The following APOA4 variants were observed in gnomAD, a reference collection of about 807,000 sequenced individuals.
APOA4 encodes the protein apolipoprotein A-IV.
In APOA4, 25 loss-of-function variants were observed where a neutral mutation model predicts 33.6. That is an observed-to-expected ratio of 0.74 (90% CI 0.54 to 1.04). The LOEUF (loss-of-function observed/expected upper bound fraction) is 1.04, where lower values mean the gene tolerates loss of function less well. Among genes scored for constraint, APOA4 ranks in the 50% least tolerant of loss-of-function variants. The probability of loss-of-function intolerance (pLI) is 0.00; values close to 1 mark genes in which losing one functional copy is unlikely to be tolerated. For missense variants in APOA4, 549 were observed against 510.4 expected, an observed-to-expected ratio of 1.08 and a Z score of -0.73; for synonymous variants, 228 against 224.0, an observed-to-expected ratio of 1.02 and a Z score of -0.16.
rs778993673 is a variant in APOA4, at chr11:116,821,413, G to C, written c.645C>G (p.Thr215=). 11 of 1,614,024 alleles carry C rather than the reference G, an allele frequency of 6.8e-6. No individual in the cohort carries two copies. Among genetic ancestry groups the C allele is most frequent in the African/African-American group, 1.3e-5 (1 of 74,938 alleles). The change falls in exon 3 of 3, where the codon ACC becomes ACG. Residue 215 remains threonine (T), a synonymous_variant. Coordinates refer to ENST00000357780, the MANE Select transcript of APOA4 (RefSeq NM_000482.4). ...ADEFKVKIDQ[T]VEELRRSLAP... ...CCAGGCTGCGGCGCAGCTCCTCCAC[G>C]GTCTGGTCAATCTTGACTTTGAATT...
intron 2 of APOA4, 140 bp downstream of exon 2, chr11:116,822,519 G>C: frequency 7.8e-7 from 1 of 1,287,414 alleles, no homozygotes; most frequent in Non-Finnish European, 1.1e-6. Context: ...TGGATCCTAG[G>C]TTCAGAGGCC....
rs751661107 is a variant in APOA4 at position 116,821,458 on chromosome 11, G to A, written c.600C>T (p.Arg200=). 14 of 1,614,180 alleles carry A rather than the reference G, an allele frequency of 8.7e-6. No individual in the cohort carries two copies. In the South Asian group the frequency reaches 1.1e-4, roughly 13 times the overall value. The change falls in exon 3 of 3, where the codon CGC becomes CGT. Residue 200 remains arginine (R), a synonymous_variant. Transcript: ENST00000357780. The part of the protein sequence containing the change: ...IDQNVEELKG[R]LTPYADEFKV... ...TGAATTCGTCAGCGTAGGGCGTAAG[G>A]CGTCCCTTGAGCTCCTCCACGTTCT...
chr11:116,820,793 T>C lies in APOA4; in HGVS notation c.*74A>G. ...CCTCAAGTTCATACCAGAACTTCTT[T>C]GGGACAGACAGACAGACAGGTGGCA... On this transcript the variant is annotated 3_prime_UTR_variant, in exon 3 of 3. Transcript: ENST00000357780. 2.6e-6 allele frequency: 4 copies of C among 1,550,866 alleles called. No individual in the cohort carries two copies. The highest frequency in any genetic ancestry group is 3.5e-6 in the Non-Finnish European group (4 of 1,146,358).
intron 2 of APOA4, 81 bp downstream of exon 2, chr11:116,822,578 T>C (rs2134218943): frequency 6.2e-7 from 1 of 1,606,454 alleles, no homozygotes; most frequent in South Asian, 1.1e-5. Context: ...AGGGCTCCTG[T>C]CTCTAAGCTC....
chr11:116,822,228 A>G (rs1442539370), intron 2 of APOA4, among the ~76,000 whole-genome samples: 3 of 152,080 alleles, frequency 2.0e-5, no homozygotes, highest in Admixed American at 6.5e-5. Flanking sequence ...GTGTAACACA[A>G]TGTTGTCTTC....
intron 2 of APOA4, 48 bp from the exon 3 acceptor site, chr11:116,821,929 G>T: frequency 6.2e-7 from 1 of 1,605,488 alleles, no homozygotes; most frequent in Non-Finnish European, 8.5e-7. Flanking sequence ...GCATTTACAC[G>T]GCAAGACTTT....
rs150264487 is a variant in APOA4 at position 116,821,145 on chromosome 11, G to A, written c.913C>T (p.Arg305Cys). 74 of 1,613,546 alleles carry A rather than the reference G, an allele frequency of 4.6e-5. No homozygotes were observed. The highest frequency in any genetic ancestry group is 5.5e-5 in the Non-Finnish European group (65 of 1,180,048). ...TTTTCCCCGTAGGGCTCCACCCGGC[G>A]TCGGAACTCCTCCACCTGCTGGTCC... ...HLDQQVEEFR[R>C]RVEPYGENFN... Residue 305 changes from arginine (R) to cysteine (C), a missense_variant, in exon 3 of 3, where the codon CGC becomes TGC. Arg to Cys is a radical substitution (Grantham distance 180, BLOSUM62 -3). Coordinates refer to ENST00000357780, the MANE Select transcript of APOA4 (RefSeq NM_000482.4).
rs532465339 is a variant in APOA4, at chr11:116,821,478, C to A, written c.580G>T (p.Val194Leu). Residue 194 changes from valine to leucine, a missense_variant, in exon 3 of 3, where the codon GTG (valine) becomes TTG (leucine). Transcript: ENST00000357780. ...DELKAKIDQN[V>L]EELKGRLTPY... ...GTAAGGCGTCCCTTGAGCTCCTCCACGTTCTGGTCGATCTTGGCCTTGAGC... is the reference window on the plus strand; with the variant it reads ...GTAAGGCGTCCCTTGAGCTCCTCCAAGTTCTGGTCGATCTTGGCCTTGAGC... 2 of 1,614,034 alleles carry A rather than the reference C, an allele frequency of 1.2e-6. No homozygotes were observed. The highest frequency in any genetic ancestry group is 2.2e-5 in the South Asian group (2 of 91,094).
rs772070995 is a variant in APOA4 at position 116,821,506 on chromosome 11, G to T, written c.552C>A (p.Asp184Glu). 1 of 1,613,944 alleles carries T rather than the reference G, an allele frequency of 6.2e-7. No individual in the cohort carries two copies. Among genetic ancestry groups the T allele is most frequent in the East Asian group, 2.2e-5 (1 of 44,878 alleles). The change falls in exon 3 of 3, where the codon GAC (aspartate) becomes GAA (glutamate). Residue 184 changes from aspartate to glutamate, a missense_variant. By Grantham distance (45) the Asp-to-Glu change is conservative. Transcript: ENST00000357780. ...SLQASLRPHA[D>E]ELKAKIDQNV... is the part of the protein sequence containing the mutation. ...TCTGGTCGATCTTGGCCTTGAGCTC[G>T]TCGGCGTGGGGCCTCAGCGAGGCCT...
In APOA4 at chr11:116,823,247, A is replaced by G. The variant is rs1941345861; in HGVS notation, c.-56T>C. 5 of 1,598,840 alleles carry G rather than the reference A, an allele frequency of 3.1e-6. No individual in the cohort carries two copies. The Admixed American group carries it at 6.7e-5, about 21-fold the overall frequency. ...CTTGCCACACTGGATCCTCCCTACA[A>G]TCAGGGGAGCTGACAGAGAGGTCCT... On this transcript the variant is annotated 5_prime_UTR_variant, in exon 1 of 3. Coordinates refer to ENST00000357780, the MANE Select transcript of APOA4 (RefSeq NM_000482.4).
Position 116,821,068 on chromosome 11 carries a change from G to GCC in APOA4, c.988_989dup (p.Pro331AlafsTer11). 6.2e-7 allele frequency: 1 copy of GCC among 1,614,150 alleles called. No homozygotes were observed. The highest frequency in any genetic ancestry group is 8.5e-7 in the Non-Finnish European group (1 of 1,180,032). ...GGCCTTCCACGTCCCCCGCATGGGG[G>GCC]CCCAGTTTCTGCCTGAGCTGTTCCA... On this transcript the variant is annotated frameshift_variant, in exon 3 of 3. Transcript: ENST00000357780. LOFTEE classifies it high-confidence loss of function.
rs575010002 is a variant in APOA4, at chr11:116,821,641, C to G, written c.417G>C (p.Ala139=). The G allele has an allele frequency of 1.2e-5, 20 of 1,610,122 alleles. No individual in the cohort carries two copies. The highest frequency in any genetic ancestry group is 2.2e-5 in the East Asian group (1 of 44,842). ...TGCTGACCTGGGTGCGCAGCTGGTC[C>G]GCGTAGGGCTCCAGGCGCTGCTGAA... The part of the protein sequence containing the change: ...RELQQRLEPY[A]DQLRTQVSTQ... The change falls in exon 3 of 3, where the codon GCG becomes GCC. Residue 139 remains alanine (A), a synonymous_variant. Transcript: ENST00000357780.
chr11:116,822,828 T>C (rs762295319), intron 1 of APOA4, 43 bp from the exon 2 acceptor site: 1 of 1,612,756 alleles, frequency 6.2e-7, no homozygotes, highest in East Asian at 2.2e-5. Flanking sequence ...CCGTCTCCTG[T>C]GTGGCCCCTC....
intron 2 of APOA4, 59 bp from the exon 3 acceptor site, chr11:116,821,940 GT>G: frequency 1.2e-6 from 2 of 1,602,300 alleles, no homozygotes; most frequent in Non-Finnish European, 1.7e-6. Flanking sequence ...GCAAGACTTT[GT>G]CTGCTTGTAT....
In APOA4 at chr11:116,820,984, G is replaced by A. The variant is rs534105044; in HGVS notation, c.1074C>T (p.Phe358=). 4.3e-6 allele frequency: 7 copies of A among 1,614,238 alleles called. No individual in the cohort carries two copies. The African/African-American group carries it at 8.0e-5, about 18-fold the overall frequency. Residue 358 remains phenylalanine (F), a synonymous_variant, in exon 3 of 3, where the codon TTC becomes TTT. Coordinates refer to ENST00000357780, the MANE Select transcript of APOA4 (RefSeq NM_000482.4). The part of the protein sequence containing the change: ...RDKVNSFFST[F]KEKESQDKTL... ...TCTTGTCCTGGCTCTCTTTCTCCTT[G>A]AAGGTGCTGAAGAAGGAGTTGACCT...
In APOA4 at chr11:116,821,475, C is replaced by T; in HGVS notation, c.583G>A (p.Glu195Lys). ...ELKAKIDQNVEELKGRLTPYA... is the reference protein window; with the variant it reads ...ELKAKIDQNVKELKGRLTPYA... ...GGCGTAAGGCGTCCCTTGAGCTCCT[C>T]CACGTTCTGGTCGATCTTGGCCTTG... The change falls in exon 3 of 3, where the codon GAG becomes AAG. Residue 195 changes from glutamate to lysine, a missense_variant. By Grantham distance (56) the Glu-to-Lys change is moderately conservative. Coordinates refer to ENST00000357780, the MANE Select transcript of APOA4 (RefSeq NM_000482.4). 6.2e-7 allele frequency: 1 copy of T among 1,614,168 alleles called. No individual in the cohort carries two copies. The highest frequency in any genetic ancestry group is 1.3e-5 in the African/African-American group (1 of 75,066).
At position 116,821,563 on chromosome 11, in the gene APOA4, C is replaced by A. The variant is rs1471353240; in HGVS notation, c.495G>T (p.Glu165Asp). The A allele has an allele frequency of 6.2e-7, 1 of 1,611,858 alleles. No individual in the cohort carries two copies. The highest frequency in any genetic ancestry group is 8.5e-7 in the Non-Finnish European group (1 of 1,179,966). The stretch of plus-strand genomic sequence containing the variant: ...TGTCGGCGTTCTCCCGCAGCACTCT[C>A]TCCATGCGCTGTGCGTAGGGGGTCA... ...RQLTPYAQRM[E>D]RVLRENADSL... Residue 165 changes from glutamate to aspartate, a missense_variant, in exon 3 of 3, where the codon GAG becomes GAT. Glu to Asp is a conservative substitution (Grantham distance 45). Transcript: ENST00000357780.
In APOA4 at chr11:116,821,419, G is replaced by A; in HGVS notation, c.639C>T (p.Asp213=). 1.2e-6 allele frequency: 2 copies of A among 1,614,152 alleles called. No individual in the cohort carries two copies. The highest frequency in any genetic ancestry group is 8.5e-7 in the Non-Finnish European group (1 of 1,180,018). Residue 213 remains aspartate (D), a synonymous_variant, in exon 3 of 3, where the codon GAC becomes GAT. Transcript: ENST00000357780. ...TGCGGCGCAGCTCCTCCACGGTCTG[G>A]TCAATCTTGACTTTGAATTCGTCAG... is the stretch of plus-strand genomic sequence containing the variant. ...PYADEFKVKI[D]QTVEELRRSL...
intron 1 of APOA4, 27 bp from the exon 2 acceptor site, chr11:116,822,812 G>A: frequency 1.2e-6 from 2 of 1,613,690 alleles, no homozygotes; most frequent in Admixed American, 1.7e-5. Context: ...AGCAATTCAT[G>A]AGGCCCCGTC....
Sources: gnomAD v4.1 joint callset for allele counts (sites outside exome capture counted in the v4.1 genomes callset) on GRCh38, gnomAD v4.1.1 for gene constraint, MANE v1.5 for transcripts, NCBI Gene and HGNC (gene_info 2026-07-23, HGNC 2026-07-21) for gene names.